RELN: variants seen among roughly 807,000 people sequenced by gnomAD.
RELN encodes reelin.
A neutral mutation model predicts 427.6 loss-of-function variants in RELN; 108 were observed. The ratio of observed to expected loss-of-function variants is 0.25; its 90% confidence interval spans 0.22 to 0.30. RELN has a LOEUF of 0.30. Among genes scored for constraint, RELN ranks in the 10% least tolerant of loss-of-function variants. The pLI is 1.00. For synonymous variants in RELN, 1,524 were observed against 1,513.4 expected (o/e 1.01, Z -0.16); for missense variants, 3,715 against 4,302.8 (o/e 0.86, Z 3.82).
chr7:103,557,859 C>T, intron 37 of RELN, 106 bp downstream of exon 37: 1 of 686,598 alleles, frequency 1.5e-6, no homozygotes, highest in South Asian at 1.6e-5. Flanking sequence ...TATGTTAGCC[C>T]TTCCATACAA....
chr7:103,930,771 T>A (rs1487217707), intron 1 of RELN, among the ~76,000 whole-genome samples: 1 of 152,114 alleles, frequency 6.6e-6, no homozygotes, highest in Non-Finnish European at 1.5e-5. Context: ...CCCAGCCCCA[T>A]AACACATCTC....
chr7:103,892,631 C>T (rs931887020), intron 2 of RELN, among the ~76,000 whole-genome samples: 3 of 152,118 alleles, frequency 2.0e-5, no homozygotes, highest in Admixed American at 6.6e-5. Flanking sequence ...AGAGCTAACA[C>T]ATTTGTAGTA....
chr7:103,803,657 C>T (rs1342283554), intron 3 of RELN, among the ~76,000 whole-genome samples: 1 of 152,076 alleles, frequency 6.6e-6, no homozygotes, highest in Non-Finnish European at 1.5e-5. Context: ...ATATACTCAG[C>T]TTCTAAGGGT....
intron 2 of RELN, among the ~76,000 whole-genome samples, chr7:103,870,655 AC>A (rs1157451548): frequency 6.6e-6 from 1 of 152,028 alleles, no homozygotes; most frequent in Non-Finnish European, 1.5e-5. Flanking sequence ...TTTTCAAGGT[AC>A]TAACCTAATC....
chr7:103,909,333 C>T (rs1795286907), intron 2 of RELN, among the ~76,000 whole-genome samples: 2 of 151,752 alleles, frequency 1.3e-5, no homozygotes, highest in Non-Finnish European at 2.9e-5. Context: ...CCCTGCATTT[C>T]TATGTTCAGT....
Position 103,642,911 on chromosome 7 carries a change from C to A in RELN, c.2003-2302G>T, listed in dbSNP as rs562026936. Among the ~76,000 whole-genome samples the A allele has an allele frequency of 1.9e-3, 283 of 152,122 alleles. 1 individual carries two copies. Among genetic ancestry groups the A allele is most frequent in the African/African-American group, 6.1e-3 (254 of 41,514 alleles). On this transcript the variant is annotated intron_variant, in intron 16 of 64. Transcript: ENST00000428762. ...TAAAATGCTACGCAAAATGTTCTAC[C>A]AATGAAAAAACTCCATTTTAACCCC...
chr7:103,491,267 C>T (rs998470702), intron 58 of RELN, among the ~76,000 whole-genome samples: 1 of 152,176 alleles, frequency 6.6e-6, no homozygotes, highest in Non-Finnish European at 1.5e-5. Context: ...GTGACTCTGG[C>T]TGATGCATAT....
chr7:103,863,819 AT>A (rs202089383), intron 2 of RELN, among the ~76,000 whole-genome samples: 127 of 147,680 alleles, frequency 8.6e-4, no homozygotes, highest in Admixed American at 1.3e-3. Flanking sequence ...TTTGCAATCA[AT>A]TTTTTTTTTT....
intron 38 of RELN, among the ~76,000 whole-genome samples, chr7:103,554,506 G>A (rs1830482380): frequency 6.8e-6 from 1 of 146,248 alleles, no homozygotes; most frequent in South Asian, 2.1e-4. Flanking sequence ...GGAGGTGGAG[G>A]TTGCAGTGAG....
intron 8 of RELN, among the ~76,000 whole-genome samples, chr7:103,718,441 C>T (rs1227401666): frequency 6.6e-6 from 1 of 151,568 alleles, no homozygotes; most frequent in Admixed American, 6.6e-5. Context: ...AAATCATGAA[C>T]AAATAATAGA....
At chr7:103,579,557 C>T (rs1299365837) in intron 28 of RELN, among the ~76,000 whole-genome samples, 1 of 150,946 alleles carries the variant, frequency 6.6e-6, no homozygotes, top group Non-Finnish European at 1.5e-5. Flanking sequence ...TAAGATTGCG[C>T]CCCTGCACTC....
intron 11 of RELN, among the ~76,000 whole-genome samples, chr7:103,673,422 T>C (rs570992246): frequency 9.2e-5 from 14 of 152,290 alleles, no homozygotes; most frequent in African/African-American, 3.4e-4. Context: ...CCCTTTCCTG[T>C]CAGCCACCTT....
chr7:103,936,406 G>T (rs1172128930), intron 1 of RELN, among the ~76,000 whole-genome samples: 1 of 152,020 alleles, frequency 6.6e-6, no homozygotes, highest in Non-Finnish European at 1.5e-5. Context: ...CTTCTAACTG[G>T]TGTTTCAGTG....
chr7:103,799,023 AC>A (rs1792379406), intron 3 of RELN, among the ~76,000 whole-genome samples: 1 of 151,778 alleles, frequency 6.6e-6, no homozygotes, highest in Admixed American at 6.6e-5. Context: ...TTTCAGACCT[AC>A]CCCCTCTTTT....
In RELN at chr7:103,498,074, T is replaced by G. The variant is rs200124755; in HGVS notation, c.8843+3A>C. 3.5e-4 allele frequency: 559 copies of G among 1,614,086 alleles called. 2 individuals are homozygous for G. In the Middle Eastern group the frequency reaches 6.3e-3, roughly 18 times the overall value. Reference sequence around the variant, plus strand: ...AGAAATAACTAACAAAAAATTCACTTACTTTGCACCTCGAAGATCCAAATC... The same window carrying G: ...AGAAATAACTAACAAAAAATTCACTGACTTTGCACCTCGAAGATCCAAATC... On this transcript the variant is annotated splice_donor_region_variant and intron_variant, in intron 54 of 64. Coordinates refer to ENST00000428762, the MANE Select transcript of RELN (RefSeq NM_005045.4).
intron 42 of RELN, among the ~76,000 whole-genome samples, chr7:103,543,958 TCTG>T (rs1383448093): frequency 4.6e-5 from 7 of 152,190 alleles, no homozygotes; most frequent in African/African-American, 1.7e-4. Flanking sequence ...CAAATGATAA[TCTG>T]CTTTCTGTCT....
intron 22 of RELN, among the ~76,000 whole-genome samples, chr7:103,608,391 G>T (rs545728335): frequency 4.1e-4 from 63 of 151,866 alleles, no homozygotes; most frequent in African/African-American, 1.4e-3. Flanking sequence ...CTGCTGGGTT[G>T]TTTTTTAAAA....
chr7:103,861,758 GA>G (rs1563056758), intron 2 of RELN, among the ~76,000 whole-genome samples: 1 of 152,134 alleles, frequency 6.6e-6, no homozygotes, highest in African/African-American at 2.4e-5. Context: ...ATGGACAAAA[GA>G]AAGCTTTATA....
At chr7:103,823,701 C>A (rs1228487253) in intron 3 of RELN, among the ~76,000 whole-genome samples, 1 of 152,016 alleles carries the variant, frequency 6.6e-6, no homozygotes, top group African/African-American at 2.4e-5. Context: ...TATTTGCATG[C>A]TCAATGCTTA....
Sources: gnomAD v4.1 joint callset for allele counts (sites outside exome capture counted in the v4.1 genomes callset) on GRCh38, gnomAD v4.1.1 for gene constraint, MANE v1.5 for transcripts, NCBI Gene and HGNC (gene_info 2026-07-23, HGNC 2026-07-21) for gene names.